Variants in FAM47E observed in about 807,000 individuals in gnomAD.
The protein encoded by FAM47E is protein FAM47E.
A neutral mutation model predicts 41.6 loss-of-function variants in FAM47E; 32 were observed. That is an observed-to-expected ratio of 0.77 (90% CI 0.58 to 1.03). FAM47E has a LOEUF of 1.03. Ranked by LOEUF, FAM47E falls within the 50% of genes least tolerant of loss-of-function variation. The probability of loss-of-function intolerance (pLI) is 0.00; values close to 1 mark genes in which losing one functional copy is unlikely to be tolerated. For synonymous variants in FAM47E, 184 were observed against 188.7 expected (o/e 0.98, Z 0.20); for missense variants, 424 against 485.4 (o/e 0.87, Z 1.19).
upstream of FAM47E, chr4:76,251,714 A>C: frequency 1.4e-6 from 2 of 1,464,526 alleles, no homozygotes; most frequent in Non-Finnish European, 1.8e-6. Flanking sequence ...ACACCGCCCA[A>C]GCCCGGACGG....
intron 1 of FAM47E, among the ~76,000 whole-genome samples, chr4:76,214,888 G>A (rs1482165690): frequency 6.6e-6 from 1 of 152,248 alleles, no homozygotes; most frequent in Non-Finnish European, 1.5e-5. Context: ...TGGGATGCAG[G>A]TGTGATCCTT....
intron 2 of FAM47E, among the ~76,000 whole-genome samples, chr4:76,224,061 T>C (rs1733353008): frequency 6.6e-6 from 1 of 152,174 alleles, no homozygotes; most frequent in African/African-American, 2.4e-5. Flanking sequence ...CAATTTATTA[T>C]TGAATAGGTA....
intron 2 of FAM47E, among the ~76,000 whole-genome samples, chr4:76,224,422 C>T (rs1265242463): frequency 6.6e-6 from 1 of 152,200 alleles, no homozygotes; most frequent in Non-Finnish European, 1.5e-5. Flanking sequence ...GATGATTACA[C>T]TTCAAAGGGT....
chr4:76,271,907 G>C (rs971153868), intron 5 of FAM47E, 139 bp downstream of exon 5: 6 of 1,001,928 alleles, frequency 6.0e-6, no homozygotes, highest in South Asian at 2.0e-5. Context: ...ATTAATATTT[G>C]TTAAATAAAT....
chr4:76,231,707 G>T (rs915033448), intron 2 of FAM47E, among the ~76,000 whole-genome samples: 1 of 152,214 alleles, frequency 6.6e-6, no homozygotes, highest in Non-Finnish European at 1.5e-5. Context: ...ACCTTTTAAA[G>T]CTGAGCCCAG....
At chr4:76,263,380 T>G (rs193140465) in intron 2 of FAM47E, among the ~76,000 whole-genome samples, 1 of 152,338 alleles carries the variant, frequency 6.6e-6, no homozygotes, top group East Asian at 1.9e-4. Flanking sequence ...ATCTAAAAAT[T>G]TAAGTGCCTT....
intron 2 of FAM47E, among the ~76,000 whole-genome samples, chr4:76,243,688 T>C (rs748298996): frequency 7.9e-5 from 12 of 152,210 alleles, no homozygotes; most frequent in African/African-American, 1.9e-4. Flanking sequence ...GCCCTCTCCA[T>C]AGGCAGTCAT....
chr4:76,219,314 G>C (rs1255571323), intron 2 of FAM47E, among the ~76,000 whole-genome samples: 1 of 152,162 alleles, frequency 6.6e-6, no homozygotes, highest in Non-Finnish European at 1.5e-5. Context: ...CAGTCCGGTG[G>C]CCAAAAATAT....
intron 1 of FAM47E, 145 bp downstream of exon 1, chr4:76,251,965 A>G (rs1733984694): frequency 9.2e-7 from 1 of 1,084,442 alleles, no homozygotes; most frequent in Non-Finnish European, 1.2e-6. Flanking sequence ...ACAACATAAT[A>G]CGCTGAGATA....
intron 4 of FAM47E, among the ~76,000 whole-genome samples, chr4:76,271,103 A>G (rs768602603): frequency 1.1e-4 from 16 of 152,292 alleles, no homozygotes; most frequent in Middle Eastern, 3.4e-3. Flanking sequence ...TAATGTGCCC[A>G]TCTCTACTCC....
chr4:76,259,425 GC>G (rs1478423403), intron 2 of FAM47E, among the ~76,000 whole-genome samples: 3 of 152,190 alleles, frequency 2.0e-5, no homozygotes, highest in African/African-American at 7.2e-5. Context: ...CTATTGGATG[GC>G]ACTTTCAAGA....
chr4:76,279,913 A>T (rs1441916), intron 6 of FAM47E: 125,818 of 167,976 alleles, frequency 0.75, 47,579 homozygotes, highest in Middle Eastern at 0.82. Flanking sequence ...ATCAAATCAT[A>T]TTTGATTGTC....
At chr4:76,276,355 C>CTTTTTTTTTT (rs1560752583) in intron 5 of FAM47E, among the ~76,000 whole-genome samples, 4 of 97,844 alleles carry the variant, frequency 4.1e-5, no homozygotes, top group African/African-American at 1.4e-4. Context: ...GAGGGGGTTA[C>CTTTTTTTTTT]TTTTTTTTGT....
At chr4:76,222,844 T>C (rs1733332646) in intron 2 of FAM47E, among the ~76,000 whole-genome samples, 2 of 152,186 alleles carry the variant, frequency 1.3e-5, no homozygotes, top group Admixed American at 6.5e-5. Context: ...CATGGAGGAC[T>C]AGTAAGCCCC....
chr4:76,266,693 C>G (rs569985553), intron 3 of FAM47E, among the ~76,000 whole-genome samples: 41 of 152,280 alleles, frequency 2.7e-4, no homozygotes, highest in African/African-American at 9.9e-4. Context: ...TTGAGATTCT[C>G]CAATTGCTTA....
chr4:76,262,172 G>A (rs1009330124), intron 2 of FAM47E, among the ~76,000 whole-genome samples: 1 of 152,166 alleles, frequency 6.6e-6, no homozygotes, highest in Admixed American at 6.5e-5. Context: ...ACTCACGTGA[G>A]TGTATATTGA....
chr4:76,232,499 C>A (rs1443591740), intron 2 of FAM47E, among the ~76,000 whole-genome samples: 1 of 152,126 alleles, frequency 6.6e-6, no homozygotes, highest in Non-Finnish European at 1.5e-5. Context: ...ACACAATTGA[C>A]AAAGGAGTTT....
chr4:76,247,378 T>C (rs1733850568), upstream of FAM47E, among the ~76,000 whole-genome samples: 1 of 152,180 alleles, frequency 6.6e-6, no homozygotes, highest in Non-Finnish European at 1.5e-5. Context: ...TTTTTGGCTA[T>C]TGTGAATAAT....
intron 2 of FAM47E, among the ~76,000 whole-genome samples, chr4:76,259,262 C>G (rs1395592521): frequency 6.6e-6 from 1 of 152,210 alleles, no homozygotes; most frequent in Non-Finnish European, 1.5e-5. Flanking sequence ...ACCTTCTGAA[C>G]CAGACATTTG....
Sources: gnomAD v4.1 joint callset for allele counts (sites outside exome capture counted in the v4.1 genomes callset) on GRCh38, gnomAD v4.1.1 for gene constraint, MANE v1.5 for transcripts, NCBI Gene and HGNC (gene_info 2026-07-23, HGNC 2026-07-21) for gene names.